GPR89B: variants seen among roughly 807,000 people sequenced by gnomAD.
The protein encoded by GPR89B is G protein-coupled receptor 89B.
Under a neutral mutation model 52.4 loss-of-function variants are expected in GPR89B, and 25 were observed. That is an observed-to-expected ratio of 0.48 (90% CI 0.35 to 0.67). The LOEUF is 0.67. Ranked by LOEUF, GPR89B falls within the 30% of genes least tolerant of loss-of-function variation. The pLI, the probability that GPR89B is intolerant of heterozygous loss-of-function variation, is 0.01. For synonymous variants in GPR89B, 52 were observed against 151.2 expected, an observed-to-expected ratio of 0.34 and a Z score of 4.81; for missense variants, 146 against 450.2, an observed-to-expected ratio of 0.32 and a Z score of 6.11.
chr1:147,944,802 T>G (rs1654821551), intron 5 of GPR89B, among the ~76,000 whole-genome samples: 1 of 142,698 alleles, frequency 7.0e-6, no homozygotes, highest in South Asian at 2.3e-4. Context: ...TATGTATGAA[T>G]CTATCTAAAA....
intron 3 of GPR89B, among the ~76,000 whole-genome samples, chr1:147,940,190 T>G (rs1402561484): frequency 6.6e-6 from 1 of 151,884 alleles, no homozygotes; most frequent in African/African-American, 2.4e-5. Context: ...GATCACGAGG[T>G]CAGGAGATCA....
the GPR89B span, chr1:148,012,164 A>G: frequency 6.6e-6 from 1 of 151,982 alleles, no homozygotes; most frequent in Admixed American, 6.6e-5. Context: ...TCTTCTCTTC[A>G]CTTGTTATTC....
chr1:147,952,625 A>T (rs1268033076), intron 5 of GPR89B, among the ~76,000 whole-genome samples: 7 of 152,038 alleles, frequency 4.6e-5, no homozygotes, highest in Non-Finnish European at 7.3e-5. Flanking sequence ...ACCAATTAAA[A>T]CCATTCTTTT....
intron 1 of GPR89B, 29 bp downstream of exon 1, chr1:147,928,607 C>T: frequency 1.9e-6 from 3 of 1,613,620 alleles, no homozygotes; most frequent in African/African-American, 2.7e-5. Context: ...CCCCGACACC[C>T]GTCCGCCTCC....
chr1:147,970,275 C>G (rs1356838758), intron 10 of GPR89B, among the ~76,000 whole-genome samples: 10 of 152,000 alleles, frequency 6.6e-5, no homozygotes, highest in Non-Finnish European at 1.5e-4. Flanking sequence ...GCAGGCATAT[C>G]ACCTGAGGTC....
chr1:147,994,266 A>C, downstream of GPR89B: 1 of 1,599,796 alleles, frequency 6.3e-7, no homozygotes, highest in South Asian at 1.1e-5. Context: ...AGAAACAGCT[A>C]TCAAATAAAC....
chr1:147,940,455 TATAG>T (rs2149041435), intron 3 of GPR89B, among the ~76,000 whole-genome samples: 1 of 151,890 alleles, frequency 6.6e-6, no homozygotes, highest in South Asian at 2.1e-4. Flanking sequence ...ATGAGCTAGA[TATAG>T]ATCCTGTGAC....
chr1:147,937,721 G>A (rs1226862659), intron 2 of GPR89B, among the ~76,000 whole-genome samples: 8 of 152,116 alleles, frequency 5.3e-5, no homozygotes, highest in African/African-American at 1.7e-4. Context: ...TTATCTTTCC[G>A]TGTTCCCTGA....
rs1272263584 is a variant in GPR89B at position 147,986,049 on chromosome 1, A to G, written c.910-150A>G. Reference sequence around the variant, plus strand: ...TATGAGTATCCGAAATAGATTTCCTATATATGATTTGGATTAAGAGTAGAA... The same window carrying G: ...TATGAGTATCCGAAATAGATTTCCTGTATATGATTTGGATTAAGAGTAGAA... On this transcript the variant is annotated intron_variant, in intron 10 of 13. Transcript: ENST00000314163. 116 of 1,514,446 alleles carry G rather than the reference A, an allele frequency of 7.7e-5. 1 individual carries two copies. Among genetic ancestry groups the G allele is most frequent in the Middle Eastern group, 4.9e-4 (2 of 4,114 alleles). The allele number at this position is 1,514,446 out of a possible 1,614,324, so 93.8% of individuals were successfully genotyped here.
intron 8 of GPR89B, 52 bp from the exon 9 acceptor site, chr1:147,968,823 C>T (rs1657219600): frequency 6.2e-7 from 1 of 1,613,192 alleles, no homozygotes; most frequent in East Asian, 2.2e-5. Flanking sequence ...TTCTCATTGC[C>T]ATTTCTTGAA....
At chr1:148,004,203 C>T in the GPR89B span, among the ~76,000 whole-genome samples, 1 of 148,696 alleles carries the variant, frequency 6.7e-6, no homozygotes, top group African/African-American at 2.4e-5. Context: ...TTCGCCCAGG[C>T]TGGAGTGCAG....
the GPR89B span, among the ~76,000 whole-genome samples, chr1:148,012,807 TCATTAAAAGTGTATA>T: frequency 0.011 from 1,598 of 152,034 alleles, 50 homozygotes; most frequent in African/African-American, 0.037. Flanking sequence ...TGGCAAAATC[TCATTAAAAGTGTATA>T]CATTGATAGG....
At chr1:147,970,529 C>CTCTCTCTCTA (rs1657367110) in intron 10 of GPR89B, among the ~76,000 whole-genome samples, 5 of 141,478 alleles carry the variant, frequency 3.5e-5, no homozygotes, top group Admixed American at 2.8e-4. Flanking sequence ...CTCTCTCTCT[C>CTCTCTCTCTA]TCTCTATCTC....
chr1:148,023,392 G>T, the GPR89B span, among the ~76,000 whole-genome samples: 1 of 142,262 alleles, frequency 7.0e-6, no homozygotes, highest in Non-Finnish European at 1.5e-5. Flanking sequence ...GAATAGCCTG[G>T]TGTGGTGATC....
At chr1:147,934,877 TTGAA>T (rs1653948847) in intron 1 of GPR89B, among the ~76,000 whole-genome samples, 1 of 152,120 alleles carries the variant, frequency 6.6e-6, no homozygotes, top group African/African-American at 2.4e-5. Context: ...AAATTTAAGA[TTGAA>T]TGCTGAAGAA....
chr1:147,949,665 C>T (rs1218429530), intron 5 of GPR89B, among the ~76,000 whole-genome samples: 43 of 126,724 alleles, frequency 3.4e-4, no homozygotes, highest in Middle Eastern at 5.7e-3. Flanking sequence ...GCTGGCCGGG[C>T]GGGGGGCTGA....
At chr1:147,972,325 CT>C (rs1299394408) in intron 10 of GPR89B, among the ~76,000 whole-genome samples, 1 of 151,382 alleles carries the variant, frequency 6.6e-6, no homozygotes, top group East Asian at 1.9e-4. Flanking sequence ...TGCTGTCTTT[CT>C]CTTGAGTAGG....
At chr1:148,018,141 G>A in the GPR89B span, among the ~76,000 whole-genome samples, 4 of 145,800 alleles carry the variant, frequency 2.7e-5, no homozygotes, top group Admixed American at 6.7e-5. Context: ...GGAAGAGGCC[G>A]GGCGCGGTGG....
chr1:147,965,574 G>A (rs2149073126), intron 7 of GPR89B, among the ~76,000 whole-genome samples: 1 of 152,228 alleles, frequency 6.6e-6, no homozygotes, highest in South Asian at 2.1e-4. Context: ...GGACATGCCA[G>A]CAGCTACCAC....
Sources: gnomAD v4.1 joint callset for allele counts (sites outside exome capture counted in the v4.1 genomes callset) on GRCh38, gnomAD v4.1.1 for gene constraint, MANE v1.5 for transcripts, NCBI Gene and HGNC (gene_info 2026-07-23, HGNC 2026-07-21) for gene names.